PPP1R12B: variants seen among roughly 807,000 people sequenced by gnomAD.
PPP1R12B encodes protein phosphatase 1 regulatory subunit 12B.
Under a neutral mutation model 126.1 loss-of-function variants are expected in PPP1R12B, and 76 were observed. The observed-to-expected ratio is 0.60, with a 90% CI of 0.50 to 0.73. PPP1R12B has a LOEUF of 0.73. Ranked by LOEUF, PPP1R12B falls within the 30% of genes least tolerant of loss-of-function variation. The probability of loss-of-function intolerance (pLI) is 0.00; values close to 1 mark genes in which losing one functional copy is unlikely to be tolerated. For missense variants in PPP1R12B, 1,052 were observed against 1,205.1 expected, an observed-to-expected ratio of 0.87 and a Z score of 1.88; for synonymous variants, 356 against 434.7, an observed-to-expected ratio of 0.82 and a Z score of 2.25.
At chr1:202,472,507 G>A (rs1416395271) in intron 13 of PPP1R12B, among the ~76,000 whole-genome samples, 1 of 152,140 alleles carries the variant, frequency 6.6e-6, no homozygotes, top group Non-Finnish European at 1.5e-5. Context: ...TCTTACCATC[G>A]GTAACACTTG....
chr1:202,557,515 AATATACC>A, intron 18 of PPP1R12B, among the ~76,000 whole-genome samples: 1 of 152,146 alleles, frequency 6.6e-6, no homozygotes, highest in Non-Finnish European at 1.5e-5. Context: ...AATGTATGAG[AATATACC>A]ATATACTTTT....
intron 1 of PPP1R12B, among the ~76,000 whole-genome samples, chr1:202,361,755 TA>T (rs942243542): frequency 6.7e-6 from 1 of 148,604 alleles, no homozygotes; most frequent in Admixed American, 6.7e-5. Context: ...CAAAGAAAAC[TA>T]AAAAAAAAAT....
chr1:202,366,919 C>T (rs1397486971), intron 1 of PPP1R12B, among the ~76,000 whole-genome samples: 1 of 152,098 alleles, frequency 6.6e-6, no homozygotes, highest in East Asian at 1.9e-4. Context: ...TGTACTGTGC[C>T]ATGTGCATAG....
chr1:202,371,930 G>A (rs1048397806), intron 1 of PPP1R12B, among the ~76,000 whole-genome samples: 9 of 148,794 alleles, frequency 6.0e-5, no homozygotes, highest in South Asian at 2.1e-4. Context: ...GGAGTGCAGC[G>A]GCATGATCTC....
intron 13 of PPP1R12B, among the ~76,000 whole-genome samples, chr1:202,458,274 A>G (rs748182771): frequency 1.1e-5 from 1 of 95,202 alleles, no homozygotes; most frequent in Non-Finnish European, 2.2e-5. Context: ...ATGGAATACA[A>G]TTGAGGGAAT....
chr1:202,575,126 A>G (rs143723384), intron 23 of PPP1R12B: 10 of 1,613,546 alleles, frequency 6.2e-6, no homozygotes, highest in East Asian at 2.2e-5. Flanking sequence ...TCGGACACCC[A>G]GGAGCTCTAG....
At chr1:202,497,851 G>T (rs1679754637) in intron 18 of PPP1R12B, among the ~76,000 whole-genome samples, 1 of 152,158 alleles carries the variant, frequency 6.6e-6, no homozygotes. Context: ...TCTTCAAGGG[G>T]CTTGGAAAGG....
chr1:202,371,344 T>C (rs1407944626), intron 1 of PPP1R12B, among the ~76,000 whole-genome samples: 1 of 152,082 alleles, frequency 6.6e-6, no homozygotes, highest in Non-Finnish European at 1.5e-5. Context: ...ATATTTAATA[T>C]TGTCAGTGCA....
At position 202,585,405 on chromosome 1, in the gene PPP1R12B, C is replaced by T. The variant is rs989265004; in HGVS notation, c.*4845C>T. The stretch of plus-strand genomic sequence containing the variant: ...AAAAAGGCAACATTAAAAGATAAGA[C>T]CCTAGAAGTCAGAACATCTGTATTC... On this transcript the variant is annotated 3_prime_UTR_variant, in exon 24 of 24. Coordinates refer to ENST00000608999, the MANE Select transcript of PPP1R12B (RefSeq NM_002481.4). The T allele has an allele frequency of 4.6e-5, 7 of 152,238 alleles. No homozygotes were observed. The highest frequency in any genetic ancestry group is 1.7e-4 in the African/African-American group (7 of 41,458). The allele number at this position is 152,238 out of a possible 1,614,324, so 9.4% of individuals were successfully genotyped here.
At position 202,430,738 on chromosome 1, in the gene PPP1R12B, G is replaced by C. The variant is rs772754423; in HGVS notation, c.929G>C (p.Ser310Thr). The part of the protein sequence containing the change: ...LLQKKQNVLR[S>T]EKETRNKLIE... ...TGTTTTCTCCATTTCCAGCTTCGAAGTGAAAAGGAGACACGGAATAAACTC... is the reference window on the plus strand; with the variant it reads ...TGTTTTCTCCATTTCCAGCTTCGAACTGAAAAGGAGACACGGAATAAACTC... The change falls in exon 7 of 24, where the codon AGT (serine) becomes ACT (threonine). Residue 310 changes from serine (S) to threonine (T), a missense_variant. Physicochemically the swap from Ser to Thr is moderately conservative, Grantham distance 58. Transcript: ENST00000608999. The C allele has an allele frequency of 2.5e-6, 4 of 1,612,038 alleles. No homozygotes were observed. Among genetic ancestry groups the C allele is most frequent in the Non-Finnish European group, 3.4e-6 (4 of 1,178,836 alleles).
rs1558109356 is a variant in PPP1R12B, at chr1:202,348,733, C to A, written c.-119C>A. 1.5e-6 allele frequency: 2 copies of A among 1,303,242 alleles called. No individual in the cohort carries two copies. Among genetic ancestry groups the A allele is most frequent in the South Asian group, 1.6e-5 (1 of 64,276 alleles). 80.7% of individuals were successfully genotyped at this position (1,303,242 alleles called of 1,614,324 possible). On this transcript the variant is annotated 5_prime_UTR_variant, in exon 1 of 24. Coordinates refer to ENST00000608999, the MANE Select transcript of PPP1R12B (RefSeq NM_002481.4). ...GGCGGGAGGAGTAAAGATGGCGGCG[C>A]GAGGGTCTCCGCCCTCTGCTCCGGG...
intron 1 of PPP1R12B, among the ~76,000 whole-genome samples, chr1:202,416,075 G>A (rs1046176215): frequency 6.6e-6 from 1 of 152,102 alleles, no homozygotes; most frequent in African/African-American, 2.4e-5. Context: ...AAGCATCTGC[G>A]ACAAATAGGT....
chr1:202,522,441 G>C (rs532427740), intron 18 of PPP1R12B, among the ~76,000 whole-genome samples: 5 of 151,986 alleles, frequency 3.3e-5, no homozygotes, highest in Admixed American at 6.6e-5. Flanking sequence ...ATCCAGTATA[G>C]TAATAGAAAT....
chr1:202,543,806 G>T (rs181108298), intron 18 of PPP1R12B, among the ~76,000 whole-genome samples: 2 of 152,238 alleles, frequency 1.3e-5, no homozygotes, highest in Admixed American at 1.3e-4. Context: ...CTTTTGGCAT[G>T]CCCTCACTCG....
intron 21 of PPP1R12B, among the ~76,000 whole-genome samples, chr1:202,566,284 G>C (rs1688042473): frequency 6.6e-6 from 1 of 152,176 alleles, no homozygotes; most frequent in Non-Finnish European, 1.5e-5. Flanking sequence ...TTTACTCTCT[G>C]GCCCACTGCT....
rs1198243579 is a variant in PPP1R12B, at chr1:202,425,556, G to A, written c.542-10G>A. 1 of 1,612,302 alleles carries A rather than the reference G, an allele frequency of 6.2e-7. No homozygotes were observed. The highest frequency in any genetic ancestry group is 1.3e-5 in the African/African-American group (1 of 74,986). ...AGTAATCCTGGCTGTCTGGTATCTG[G>A]TTTCTGTAGGAGTTGATCTAGAGCA... is the stretch of plus-strand genomic sequence containing the variant. On this transcript the variant is annotated splice_polypyrimidine_tract_variant and intron_variant, in intron 3 of 23. Coordinates refer to ENST00000608999, the MANE Select transcript of PPP1R12B (RefSeq NM_002481.4).
rs5780114 is a variant in PPP1R12B, at chr1:202,571,445, GT to G, written c.2862+2258del. On this transcript the variant is annotated intron_variant, in intron 23 of 23. Transcript: ENST00000608999. ...GTAAGCTGTTGTGAGGCTGTTTTTT[GT>G]TTTTTTTTTCTCTTTGAGACGGAGC... 1.5e-3 allele frequency among the ~76,000 whole-genome samples: 230 copies of G among 150,328 alleles called. 1 individual carries two copies. Among genetic ancestry groups the G allele is most frequent in the African/African-American group, 5.1e-3 (208 of 41,020 alleles).
intron 1 of PPP1R12B, 96 bp downstream of exon 1, chr1:202,349,238 A>C: frequency 7.0e-7 from 1 of 1,421,636 alleles, no homozygotes; most frequent in Non-Finnish European, 9.6e-7. Flanking sequence ...GTTGCCGCCG[A>C]CTCCTTCTGC....
intron 10 of PPP1R12B, chr1:202,439,540 T>C: frequency 6.6e-7 from 1 of 1,520,376 alleles, no homozygotes; most frequent in Non-Finnish European, 9.0e-7. Flanking sequence ...GGTGTGGCGC[T>C]CTCTGTGGTC....
Sources: gnomAD v4.1 joint callset for allele counts (sites outside exome capture counted in the v4.1 genomes callset) on GRCh38, gnomAD v4.1.1 for gene constraint, MANE v1.5 for transcripts, NCBI Gene and HGNC (gene_info 2026-07-23, HGNC 2026-07-21) for gene names.